Variants in C1RL observed in about 807,000 individuals in gnomAD.
The protein encoded by C1RL is complement C1r subcomponent like.
A neutral mutation model predicts 27.9 loss-of-function variants in C1RL; 27 were observed. That is an observed-to-expected ratio of 0.97 (90% confidence interval 0.71 to 1.33). C1RL has a LOEUF of 1.33. Among genes scored for constraint, C1RL ranks in the 40% most tolerant of loss-of-function variants. The pLI is 0.00. For missense variants in C1RL, 563 were observed against 623.9 expected (o/e 0.90, Z 1.04); for synonymous variants, 248 against 252.1 (o/e 0.98, Z 0.15).
In C1RL at chr12:7,109,154, T is replaced by C. The variant is rs1461053429; in HGVS notation, c.27A>G (p.Lys9=). The C allele has an allele frequency of 6.2e-7, 1 of 1,602,182 alleles. No homozygotes were observed. The highest frequency in any genetic ancestry group is 1.7e-5 in the Admixed American group (1 of 58,624). ...TGGAGTGAGGGCTTCTCCAGAGATA[T>C]TTCCCCCACACTCTGGGTCCAGGCA... MPGPRVWG[K]YLWRSPHSKG... Residue 9 remains lysine (K), a synonymous_variant, in exon 1 of 6, where the codon AAA becomes AAG. Coordinates refer to ENST00000266542, the MANE Select transcript of C1RL (RefSeq NM_016546.4).
chr12:7,095,164 G>A lies in C1RL; in HGVS notation c.*1227C>T, dbSNP rs777156557. ...TGAAGTCTTGGTCTGTCCGCAGGCT[G>A]GAGTGCAGTGGCGTGATCTTAGCTC... On this transcript the variant is annotated 3_prime_UTR_variant, in exon 6 of 6. Coordinates refer to ENST00000266542, the MANE Select transcript of C1RL (RefSeq NM_016546.4). The A allele has an allele frequency of 7.2e-5, 86 of 1,196,580 alleles. No homozygotes were observed. Among genetic ancestry groups the A allele is most frequent in the Non-Finnish European group, 1.5e-5 (14 of 933,070 alleles). The allele number at this position is 1,196,580 out of a possible 1,614,324, so 74.1% of individuals were successfully genotyped here.
Position 7,094,816 on chromosome 12 carries a change from C to T in C1RL, c.*1575G>A, listed in dbSNP as rs769731676. 7 of 962,920 alleles carry T rather than the reference C, an allele frequency of 7.3e-6. No homozygotes were observed. In the South Asian group the frequency reaches 2.4e-4, roughly 32 times the overall value. The allele number at this position is 962,920 out of a possible 1,614,324, so 59.6% of individuals were successfully genotyped here. On this transcript the variant is annotated 3_prime_UTR_variant, in exon 6 of 6. Coordinates refer to ENST00000266542, the MANE Select transcript of C1RL (RefSeq NM_016546.4). ...CTGGACTTCAACTCCTGGGCTCAAGCGATCCTCTTGCATCAGCCTCCTGAG... is the reference window on the plus strand; with the variant it reads ...CTGGACTTCAACTCCTGGGCTCAAGTGATCCTCTTGCATCAGCCTCCTGAG...
At chr12:7,108,010 A>T (rs1448075440) in intron 2 of C1RL, 2 of 410,290 alleles carry the variant, frequency 4.9e-6, no homozygotes, top group African/African-American at 4.1e-5. Flanking sequence ...AAGCCTTCCA[A>T]ACGCAGGGCC....
At chr12:7,108,741 TC>T (rs1938842171) in intron 1 of C1RL, 1 of 568,392 alleles carries the variant, frequency 1.8e-6, no homozygotes, top group East Asian at 3.0e-5. Flanking sequence ...TTTGCTCATC[TC>T]CCAGGAGAGT....
intron 2 of C1RL, among the ~76,000 whole-genome samples, chr12:7,106,750 C>CA (rs781059649): frequency 6.6e-6 from 1 of 151,800 alleles, no homozygotes; most frequent in African/African-American, 2.4e-5. Context: ...CAAAACAAAA[C>CA]AAAAAAACTC....
chr12:7,095,096 C>A lies in C1RL; in HGVS notation c.*1295G>T. Reference sequence around the variant, plus strand: ...TTGAACAGTTGTATTTTATTTGTGTCTTTCACTGTAAATCACCTCCAATCT... The same window carrying A: ...TTGAACAGTTGTATTTTATTTGTGTATTTCACTGTAAATCACCTCCAATCT... On this transcript the variant is annotated 3_prime_UTR_variant, in exon 6 of 6. Coordinates refer to ENST00000266542, the MANE Select transcript of C1RL (RefSeq NM_016546.4). 2.5e-6 allele frequency: 3 copies of A among 1,215,980 alleles called. No homozygotes were observed. The highest frequency in any genetic ancestry group is 3.5e-5 in the Admixed American group (1 of 28,362). 75.3% of individuals were successfully genotyped at this position (1,215,980 alleles called of 1,614,324 possible).
At chr12:7,106,118 C>T (rs1938757802) in intron 2 of C1RL, among the ~76,000 whole-genome samples, 1 of 152,128 alleles carries the variant, frequency 6.6e-6, no homozygotes, top group South Asian at 2.1e-4. Flanking sequence ...TATCAAGAGA[C>T]ATCATAATGA....
At position 7,108,679 on chromosome 12, in the gene C1RL, G is replaced by T. The variant is rs760178586; in HGVS notation, c.72-200C>A. 1.2e-4 allele frequency: 68 copies of T among 574,116 alleles called. 1 individual carries two copies. In the South Asian group the frequency reaches 1.4e-3, roughly 12 times the overall value. 35.6% of individuals were successfully genotyped at this position (574,116 alleles called of 1,614,324 possible). ...CTCACCCCAATCCCTACAGCCTCCCGCGCAGCCTGAGCTCTAGGATTGTGG... is the reference window on the plus strand; with the variant it reads ...CTCACCCCAATCCCTACAGCCTCCCTCGCAGCCTGAGCTCTAGGATTGTGG... On this transcript the variant is annotated intron_variant, in intron 1 of 5. Transcript: ENST00000266542.
At chr12:7,108,576 C>T in intron 1 of C1RL, 97 bp from the exon 2 acceptor site, 1 of 928,110 alleles carries the variant, frequency 1.1e-6, no homozygotes, top group East Asian at 2.6e-5. Context: ...GACTCAGAGG[C>T]CTCGCGAGGC....
In C1RL at chr12:7,095,646, G is replaced by A; in HGVS notation, c.*745C>T. The stretch of plus-strand genomic sequence containing the variant: ...TGGTAAGGATGTGGGGGCTGGGAGG[G>A]AAAGCGGGTGACACAGCAGGTTAGA... On this transcript the variant is annotated 3_prime_UTR_variant, in exon 6 of 6. Coordinates refer to ENST00000266542, the MANE Select transcript of C1RL (RefSeq NM_016546.4). 1 of 985,902 alleles carries A rather than the reference G, an allele frequency of 1.0e-6. No homozygotes were observed. Among genetic ancestry groups the A allele is most frequent in the Non-Finnish European group, 1.2e-6 (1 of 830,186 alleles). 61.1% of individuals were successfully genotyped at this position (985,902 alleles called of 1,614,324 possible). A position where few individuals can be genotyped will look rare whatever the true frequency, so the allele number is the denominator to read the frequency against.
chr12:7,100,976 G>C (rs1938600941), intron 3 of C1RL, among the ~76,000 whole-genome samples: 1 of 151,902 alleles, frequency 6.6e-6, no homozygotes, highest in Non-Finnish European at 1.5e-5. Context: ...GTTGTTTCTG[G>C]GGAGGGCAGC....
chr12:7,099,997 C>A lies in C1RL; in HGVS notation c.520G>T (p.Ala174Ser), dbSNP rs1938569275. 10 of 1,613,596 alleles carry A rather than the reference C, an allele frequency of 6.2e-6. No individual in the cohort carries two copies. The highest frequency in any genetic ancestry group is 8.5e-6 in the Non-Finnish European group (10 of 1,179,836). Residue 174 changes from alanine (A) to serine (S), a missense_variant, in exon 4 of 6, where the codon GCC becomes TCC. By Grantham distance (99) the Ala-to-Ser change is moderately conservative. Transcript: ENST00000266542. Reference protein sequence around the residue: ...AVNYSQPISEASRGSEAINAP... With the variant: ...AVNYSQPISESSRGSEAINAP... ...TTGATGGCCTCAGAGCCCCTGCTGG[C>A]CTCGCTGATGGGCTGACTATAGTTC...
At position 7,096,300 on chromosome 12, in the gene C1RL, AACCCCT is replaced by A; in HGVS notation, c.*85_*90del. ...CTGCCTCCCCCAACCCCCCACCCCC[AACCCCT>A]ACCCCAGTGTTCAGTCCTCACTCCA... On this transcript the variant is annotated 3_prime_UTR_variant, in exon 6 of 6. Coordinates refer to ENST00000266542, the MANE Select transcript of C1RL (RefSeq NM_016546.4). 1 of 92,740 alleles carries A rather than the reference AACCCCT, an allele frequency of 1.1e-5. No individual in the cohort carries two copies. Among genetic ancestry groups the A allele is most frequent in the South Asian group, 1.9e-4 (1 of 5,300 alleles). 5.7% of individuals were successfully genotyped at this position (92,740 alleles called of 1,614,324 possible). A position where few individuals can be genotyped will look rare whatever the true frequency, so the allele number is the denominator to read the frequency against.
At chr12:7,108,617 G>A (rs888785335) in intron 1 of C1RL, 138 bp from the exon 2 acceptor site, 3 of 655,652 alleles carry the variant, frequency 4.6e-6, no homozygotes, top group Non-Finnish European at 7.7e-6. Context: ...CACCCTTGAG[G>A]CCCGGGCACT....
At position 7,095,043 on chromosome 12, in the gene C1RL, C is replaced by T; in HGVS notation, c.*1348G>A. Reference sequence around the variant, plus strand: ...TGCTAACAAATTACCTCTCTTCTCTCTTTTATGGTGTTTATTTTCTATTTC... The same window carrying T: ...TGCTAACAAATTACCTCTCTTCTCTTTTTTATGGTGTTTATTTTCTATTTC... On this transcript the variant is annotated 3_prime_UTR_variant, in exon 6 of 6. Transcript: ENST00000266542. The T allele has an allele frequency of 8.6e-7, 1 of 1,157,904 alleles. No homozygotes were observed. The highest frequency in any genetic ancestry group is 1.6e-5 in the South Asian group (1 of 61,380). The allele number at this position is 1,157,904 out of a possible 1,614,324, so 71.7% of individuals were successfully genotyped here.
chr12:7,105,501 C>G (rs1938742173), intron 2 of C1RL, among the ~76,000 whole-genome samples: 1 of 152,150 alleles, frequency 6.6e-6, no homozygotes, highest in African/African-American at 2.4e-5. Flanking sequence ...AACTCCTGGC[C>G]TCAGGTGATC....
rs1489567296 is a variant in C1RL, at chr12:7,096,330, C to T, written c.*61G>A. 4.5e-6 allele frequency: 6 copies of T among 1,347,610 alleles called. No individual in the cohort carries two copies. In the Admixed American group the frequency reaches 1.4e-4, roughly 31 times the overall value. The allele number at this position is 1,347,610 out of a possible 1,614,324, so 83.5% of individuals were successfully genotyped here. ...CTACCCCAGTGTTCAGTCCTCACTC[C>T]AGGCCCTCTGTTGCCTGGGGCCTCC... On this transcript the variant is annotated 3_prime_UTR_variant, in exon 6 of 6. Coordinates refer to ENST00000266542, the MANE Select transcript of C1RL (RefSeq NM_016546.4).
Position 7,099,741 on chromosome 12 carries a change from G to A in C1RL, c.636C>T (p.Thr212=), listed in dbSNP as rs563886171. 3.8e-6 allele frequency: 6 copies of A among 1,575,150 alleles called. No homozygotes were observed. The South Asian group carries it at 5.8e-5, about 15-fold the overall frequency. The change falls in exon 5 of 6, where the codon ACC becomes ACT. Residue 212 remains threonine, a synonymous_variant. Transcript: ENST00000266542. ...CCTGTCTGTCTTTCCAGGTCCCTGG[G>A]GTTGCACAGGTGAGTGCCCCTGTGG... The part of the protein sequence containing the change: ...AAAAGALTCA[T]PGTWKDRQDG...
rs771659963 is a variant in C1RL, at chr12:7,108,469, G to A, written c.82C>T (p.Leu28Phe). Residue 28 changes from leucine (L) to phenylalanine (F), a missense_variant, in exon 2 of 6, where the codon CTT becomes TTT. By Grantham distance (22) the Leu-to-Phe change is conservative. Transcript: ENST00000266542. ...KGCPGAMWWL[L>F]LWGVLQACPT... ...CAAGCCTGGAGGACTCCCCAGAGAA[G>A]CAGCCACCACCTGTGAGTTGGGGGG... The A allele has an allele frequency of 1.3e-5, 21 of 1,594,630 alleles. No homozygotes were observed. Among genetic ancestry groups the A allele is most frequent in the Non-Finnish European group, 8.6e-7 (1 of 1,167,912 alleles).
Sources: allele counts gnomAD v4.1 joint callset (sites outside exome capture counted in the v4.1 genomes callset), GRCh38; gene constraint gnomAD v4.1.1; transcripts MANE v1.5; gene names NCBI Gene and HGNC (gene_info 2026-07-23, HGNC 2026-07-21).